The following PRR36 variants were observed in gnomAD, a reference collection of about 807,000 sequenced individuals.
PRR36 encodes the protein proline rich 36.
In PRR36, 30 loss-of-function variants were observed where a neutral mutation model predicts 58.6. The ratio of observed to expected loss-of-function variants is 0.51; its 90% confidence interval spans 0.38 to 0.69. The LOEUF is 0.69. Among genes scored for constraint, PRR36 ranks in the 30% least tolerant of loss-of-function variants. PRR36 has a pLI of 0.00. For synonymous variants in PRR36, 771 were observed against 829.3 expected (o/e 0.93, Z 1.21); for missense variants, 1,692 against 1,805.6 (o/e 0.94, Z 1.14).
In PRR36 at chr19:7,869,417, G is replaced by C. The variant is rs1192870112; in HGVS notation, c.3657C>G (p.Pro1219=). 21 of 1,493,470 alleles carry C rather than the reference G, an allele frequency of 1.4e-5. No homozygotes were observed. The highest frequency in any genetic ancestry group is 1.8e-5 in the Non-Finnish European group (20 of 1,129,638). 92.5% of individuals were successfully genotyped at this position (1,493,470 alleles called of 1,614,324 possible). A position where few individuals can be genotyped will look rare whatever the true frequency, so the allele number is the denominator to read the frequency against. Residue 1219 remains proline, a synonymous_variant, in exon 6 of 6, where the codon CCC becomes CCG. Coordinates refer to ENST00000618550, the MANE Select transcript of PRR36 (RefSeq NM_001190467.2). ...APGALDPGPS[P]GTSGGKAAAG... The stretch of plus-strand genomic sequence containing the variant: ...CCGCCGCCTTCCCACCGCTCGTGCC[G>C]GGACTGGGCCCCGGATCCAGTGCGC...
rs1386263066 is a variant in PRR36 at position 7,873,041 on chromosome 19, G to T, written c.375-80C>A. The T allele has an allele frequency of 3.1e-5, 42 of 1,372,470 alleles. No individual in the cohort carries two copies. The highest frequency in any genetic ancestry group is 4.2e-5 in the Non-Finnish European group (42 of 1,003,830). 85.0% of individuals were successfully genotyped at this position (1,372,470 alleles called of 1,614,324 possible). On this transcript the variant is annotated intron_variant, in intron 3 of 5. Coordinates refer to ENST00000618550, the MANE Select transcript of PRR36 (RefSeq NM_001190467.2). The surrounding 1 kb of genome is among the most constrained non-coding windows in gnomAD (Gnocchi z 5.0). Reference sequence around the variant, plus strand: ...CTCTATTTTCCCATCTGTGAAATGGGCATGTGCCCTCTCTGAGGACCAATA... The same window carrying T: ...CTCTATTTTCCCATCTGTGAAATGGTCATGTGCCCTCTCTGAGGACCAATA...
Position 7,870,976 on chromosome 19 carries a change from AGG to A in PRR36, c.2266_2267del (p.Pro756SerfsTer249). ...GGGCTAGAGAAGGTAGGTTCTCCAG[AGG>A]GGGTGTGGTCAGGGGAGCAGAAGCT... ...QTASAPLTTPPLENLPSLAPP... is the reference protein window; with the variant it reads ...QTASAPLTTPXLENLPSLAPP... On this transcript the variant is annotated frameshift_variant, in exon 5 of 6. Transcript: ENST00000618550. LOFTEE classifies it high-confidence loss of function. 3 of 1,016,260 alleles carry A rather than the reference AGG, an allele frequency of 3.0e-6. No homozygotes were observed. Among genetic ancestry groups the A allele is most frequent in the Non-Finnish European group, 4.0e-6 (3 of 748,194 alleles). The allele number at this position is 1,016,260 out of a possible 1,614,324, so 63.0% of individuals were successfully genotyped here.
Position 7,869,897 on chromosome 19 carries a change from C to G in PRR36, c.3347G>C (p.Gly1116Ala). The G allele has an allele frequency of 1.5e-6, 2 of 1,362,400 alleles. No homozygotes were observed. The highest frequency in any genetic ancestry group is 1.9e-6 in the Non-Finnish European group (2 of 1,065,048). 84.4% of individuals were successfully genotyped at this position (1,362,400 alleles called of 1,614,324 possible). A position where few individuals can be genotyped will look rare whatever the true frequency, so the allele number is the denominator to read the frequency against. ...PSRSPSSTLS[G>A]PDLAGHSSSA... is the part of the protein sequence containing the mutation. ...GCTGCTGTGGCCGGCCAGGTCTGGG[C>G]CGCTCAGCGTGCTGGACGGGCTGCG... The change falls in exon 5 of 6, where the codon GGC becomes GCC. Residue 1116 changes from glycine to alanine, a missense_variant. This residue lies in a region of PRR36 where 485 missense variants were observed against 549.2 expected (regional missense o/e 0.88). Coordinates refer to ENST00000618550, the MANE Select transcript of PRR36 (RefSeq NM_001190467.2).
Position 7,872,617 on chromosome 19 carries a change from C to A in PRR36, c.627G>T (p.Val209=). 1 of 1,501,156 alleles carries A rather than the reference C, an allele frequency of 6.7e-7. No homozygotes were observed. 93.0% of individuals were successfully genotyped at this position (1,501,156 alleles called of 1,614,324 possible). A position where few individuals can be genotyped will look rare whatever the true frequency, so the allele number is the denominator to read the frequency against. The part of the protein sequence containing the change: ...RPPTEGPRKS[V]SSASEHSTTE... Reference sequence around the variant, plus strand: ...TGGTACTGTGCTCCGAGGCGCTGCTCACTGATTTCCGGGGGCCCTCTGTCG... The same window carrying A: ...TGGTACTGTGCTCCGAGGCGCTGCTAACTGATTTCCGGGGGCCCTCTGTCG... The change falls in exon 5 of 6, where the codon GTG becomes GTT. Residue 209 remains valine, a synonymous_variant. Coordinates refer to ENST00000618550, the MANE Select transcript of PRR36 (RefSeq NM_001190467.2). This position sits in a 1 kb window ranked among gnomAD's most constrained non-coding sequence, Gnocchi z 6.1.
chr19:7,869,337 T>A lies in PRR36; in HGVS notation c.3737A>T (p.Glu1246Val). The A allele has an allele frequency of 7.0e-7, 1 of 1,426,994 alleles. No homozygotes were observed. Among genetic ancestry groups the A allele is most frequent in the Non-Finnish European group, 9.1e-7 (1 of 1,099,164 alleles). 88.4% of individuals were successfully genotyped at this position (1,426,994 alleles called of 1,614,324 possible). Residue 1246 changes from glutamate to valine, a missense_variant, in exon 6 of 6, where the codon GAG (glutamate) becomes GTG (valine). Glu to Val is a moderately radical substitution (Grantham distance 121, BLOSUM62 -2). This residue lies in a region of PRR36 where 485 missense variants were observed against 549.2 expected (regional missense o/e 0.88). Coordinates refer to ENST00000618550, the MANE Select transcript of PRR36 (RefSeq NM_001190467.2). ...CGCCTGCAGCGCCCCCAGTGGCAGC[T>A]CGCCCAGGCGCGCCTGCTTCGGGCT... The part of the protein sequence containing the change: ...SRSPKQARLG[E>V]LPLGALQASV...
Position 7,871,863 on chromosome 19 carries a change from T to A in PRR36, c.1381A>T (p.Met461Leu). The change falls in exon 5 of 6, where the codon ATG becomes TTG. Residue 461 changes from methionine to leucine, a missense_variant. By Grantham distance (15) the Met-to-Leu change is conservative. Coordinates refer to ENST00000618550, the MANE Select transcript of PRR36 (RefSeq NM_001190467.2). ...GAAACAGGGCCTTGTAGAGGAGACATGGCTGACAGAGGAGGTGTGGCCAAG... is the reference window on the plus strand; with the variant it reads ...GAAACAGGGCCTTGTAGAGGAGACAAGGCTGACAGAGGAGGTGTGGCCAAG... Reference protein sequence around the residue: ...SPLATPPLSAMSPLQGPVSPA... With the variant: ...SPLATPPLSALSPLQGPVSPA... The A allele has an allele frequency of 2.6e-6, 4 of 1,535,584 alleles. No homozygotes were observed. The highest frequency in any genetic ancestry group is 3.5e-6 in the Non-Finnish European group (4 of 1,146,808).
At chr19:7,869,597 C>A in intron 5 of PRR36, 53 bp from the exon 6 acceptor site, 1 of 1,493,662 alleles carries the variant, frequency 6.7e-7, no homozygotes, top group African/African-American at 1.4e-5. Context: ...CCGCCCCTGC[C>A]TCAAGGTCCC....
Position 7,874,007 on chromosome 19 carries a change from C to CT in PRR36, c.-8+278dup, listed in dbSNP as rs1318739916. 6.6e-6 allele frequency among the ~76,000 whole-genome samples: 1 copy of CT among 152,148 alleles called. No individual in the cohort carries two copies. The highest frequency in any genetic ancestry group is 1.5e-5 in the Non-Finnish European group (1 of 68,014). On this transcript the variant is annotated intron_variant, in intron 1 of 5. Transcript: ENST00000618550. The surrounding 1 kb of genome is among the most constrained non-coding windows in gnomAD (Gnocchi z 6.0). ...ATCTCCACGCCCCTGCCCCTTGCCCCTTCAGGGACTCAGACCGCCAGCCTC... is the reference window on the plus strand; with the variant it reads ...ATCTCCACGCCCCTGCCCCTTGCCCCTTTCAGGGACTCAGACCGCCAGCCTC...
rs763403944 is a variant in PRR36, at chr19:7,871,290, CA to C, written c.1953del (p.Asp652IlefsTer28). The C allele has an allele frequency of 1.3e-6, 2 of 1,513,614 alleles. No homozygotes were observed. The highest frequency in any genetic ancestry group is 1.8e-6 in the Non-Finnish European group (2 of 1,137,608). The allele number at this position is 1,513,614 out of a possible 1,614,324, so 93.8% of individuals were successfully genotyped here. A position where few individuals can be genotyped will look rare whatever the true frequency, so the allele number is the denominator to read the frequency against. The stretch of plus-strand genomic sequence containing the variant: ...AGAGGGGCCTGCAGAGGGGGTGAAT[CA>C]GGGGGAGTAGAGGCCGGCCGAGAAG... ...ISPSRPASTP[P>X]DSPPLQAPLS... On this transcript the variant is annotated frameshift_variant, in exon 5 of 6. Coordinates refer to ENST00000618550, the MANE Select transcript of PRR36 (RefSeq NM_001190467.2). LOFTEE classifies it high-confidence loss of function.
In PRR36 at chr19:7,870,906, G is replaced by A. The variant is rs903169011; in HGVS notation, c.2338C>T (p.Leu780=). The change falls in exon 5 of 6, where the codon CTG becomes TTG. Residue 780 remains leucine, a synonymous_variant. Coordinates refer to ENST00000618550, the MANE Select transcript of PRR36 (RefSeq NM_001190467.2). ...GGGGCTGGACAAGGTGGAGTCTCCA[G>A]ATGGGGTGTGGTCAGGGGAGCAGAA... is the stretch of plus-strand genomic sequence containing the variant. ...TASAPLTTPH[L]ETPPCPAPCP... is the part of the protein sequence containing the mutation. The A allele has an allele frequency of 6.2e-6, 9 of 1,448,516 alleles. No homozygotes were observed. In the Admixed American group the frequency reaches 2.5e-4, roughly 40 times the overall value. 89.7% of individuals were successfully genotyped at this position (1,448,516 alleles called of 1,614,324 possible).
At position 7,872,017 on chromosome 19, in the gene PRR36, T is replaced by A. The variant is rs1802903966; in HGVS notation, c.1227A>T (p.Ala409=). 3 of 1,535,144 alleles carry A rather than the reference T, an allele frequency of 2.0e-6. No individual in the cohort carries two copies. The highest frequency in any genetic ancestry group is 2.6e-6 in the Non-Finnish European group (3 of 1,146,698). Residue 409 remains alanine, a synonymous_variant, in exon 5 of 6, where the codon GCA becomes GCT. Transcript: ENST00000618550. This position sits in a 1 kb window ranked among gnomAD's most constrained non-coding sequence, Gnocchi z 6.1. Reference sequence around the variant, plus strand: ...CGGCTGTGGCCAGGGAAGAGACGCCTGCTTCTGGAAAGGACATAATCAGCT... The same window carrying A: ...CGGCTGTGGCCAGGGAAGAGACGCCAGCTTCTGGAAAGGACATAATCAGCT... ...PTQLIMSFPE[A]GVSSLATAAF... is the part of the protein sequence containing the mutation.
chr19:7,871,571 G>A lies in PRR36; in HGVS notation c.1673C>T (p.Pro558Leu). The A allele has an allele frequency of 1.3e-6, 2 of 1,535,774 alleles. No homozygotes were observed. The highest frequency in any genetic ancestry group is 1.7e-6 in the Non-Finnish European group (2 of 1,146,830). The change falls in exon 5 of 6, where the codon CCT (proline) becomes CTT (leucine). Residue 558 changes from proline to leucine, a missense_variant. This residue lies in a region of PRR36 where 975 missense variants were observed against 955.2 expected (regional missense o/e 1.02). Transcript: ENST00000618550. ...LVSPSLLASP[P>L]LQAPPHPQAP... ...CTGTGGGTGGGGCGGAGCCTGCAGA[G>A]GCGGTGAGGCCAAAAGAGAGGGAGA...
rs1028866060 is a variant in PRR36, at chr19:7,873,627, A to AGC, written c.61_62dup (p.Pro22LeufsTer5). On this transcript the variant is annotated frameshift_variant, in exon 2 of 6. Coordinates refer to ENST00000618550, the MANE Select transcript of PRR36 (RefSeq NM_001190467.2). LOFTEE classifies it high-confidence loss of function. The surrounding 1 kb of genome is among the most constrained non-coding windows in gnomAD (Gnocchi z 5.0). ...GGGGCCTGGGGGTCAGAAGTCCAGG[A>AGC]GCGCGAGCAGCCGGCGTCCGCGCGG... 6.5e-7 allele frequency: 1 copy of AGC among 1,535,050 alleles called. No individual in the cohort carries two copies. Among genetic ancestry groups the AGC allele is most frequent in the Non-Finnish European group, 8.7e-7 (1 of 1,146,710 alleles).
Position 7,873,014 on chromosome 19 carries a change from G to T in PRR36, c.375-53C>A. ...CCTAGGTCTTTGTTTGGCTTCCCAA[G>T]TCTCTATTTTCCCATCTGTGAAATG... On this transcript the variant is annotated intron_variant, in intron 3 of 5. Coordinates refer to ENST00000618550, the MANE Select transcript of PRR36 (RefSeq NM_001190467.2). The surrounding 1 kb of genome is among the most constrained non-coding windows in gnomAD (Gnocchi z 5.0). 1 of 1,462,120 alleles carries T rather than the reference G, an allele frequency of 6.8e-7. No homozygotes were observed. The highest frequency in any genetic ancestry group is 9.2e-7 in the Non-Finnish European group (1 of 1,084,012). The allele number at this position is 1,462,120 out of a possible 1,614,324, so 90.6% of individuals were successfully genotyped here. A position where few individuals can be genotyped will look rare whatever the true frequency, so the allele number is the denominator to read the frequency against.
Position 7,868,870 on chromosome 19 carries a change from G to T in PRR36, c.*163C>A. 1.2e-6 allele frequency: 1 copy of T among 807,410 alleles called. No individual in the cohort carries two copies. The highest frequency in any genetic ancestry group is 1.8e-6 in the Non-Finnish European group (1 of 547,408). 50.0% of individuals were successfully genotyped at this position (807,410 alleles called of 1,614,324 possible). On this transcript the variant is annotated 3_prime_UTR_variant, in exon 6 of 6. Transcript: ENST00000618550. The stretch of plus-strand genomic sequence containing the variant: ...GGGCCTAGGTCAAAGCTGTGGGTAG[G>T]TCCCGAGCCTCCGAGGCCAAAGGCT...
Position 7,871,425 on chromosome 19 carries a change from C to T in PRR36, c.1819G>A (p.Ala607Thr), listed in dbSNP as rs981542719. The T allele has an allele frequency of 2.0e-5, 30 of 1,534,758 alleles. No individual in the cohort carries two copies. The African/African-American group carries it at 2.6e-4, about 13-fold the overall frequency. ...PSLQAPPSPL[A>T]LSSLQATTSL... The stretch of plus-strand genomic sequence containing the variant: ...GTTGTGGCCTGCAGAGAGGACAAAG[C>T]CAGAGGAGAGGGAGGTGCCTGCAGA... Residue 607 changes from alanine (A) to threonine (T), a missense_variant, in exon 5 of 6, where the codon GCT becomes ACT. Around this residue, in one of 5 missense-constraint regions of PRR36, gnomAD observed 975 missense variants for 955.2 expected, o/e 1.02. Transcript: ENST00000618550.
rs1399016691 is a variant in PRR36 at position 7,869,155 on chromosome 19, C to T, written c.3919G>A (p.Glu1307Lys). 6.5e-7 allele frequency: 1 copy of T among 1,535,392 alleles called. No homozygotes were observed. Among genetic ancestry groups the T allele is most frequent in the Non-Finnish European group, 8.7e-7 (1 of 1,146,674 alleles). The part of the protein sequence containing the change: ...LSDAELGRWA[E>K]LLSPLDESRA... ...GACTCGTCCAGGGGAGACAGTAGTT[C>T]GGCCCAGCGGCCGAGTTCGGCGTCG... Residue 1307 changes from glutamate to lysine, a missense_variant, in exon 6 of 6, where the codon GAA becomes AAA. Glu to Lys is a moderately conservative substitution (Grantham distance 56). Coordinates refer to ENST00000618550, the MANE Select transcript of PRR36 (RefSeq NM_001190467.2).
Position 7,870,072 on chromosome 19 carries a change from C to T in PRR36, c.3172G>A (p.Ala1058Thr). Residue 1058 changes from alanine to threonine, a missense_variant, in exon 5 of 6, where the codon GCA (alanine) becomes ACA (threonine). This residue lies in a region of PRR36 where 485 missense variants were observed against 549.2 expected (regional missense o/e 0.88). Transcript: ENST00000618550. ...TPPPQAPPVL[A>T]APLLQVPPSP... ...GGAGGGACCTGCAGAAGGGGCGCTG[C>T]CAGAACAGGTGGGGCCTGTGGAGGA... 4 of 1,480,294 alleles carry T rather than the reference C, an allele frequency of 2.7e-6. No homozygotes were observed. The highest frequency in any genetic ancestry group is 1.3e-5 in the South Asian group (1 of 77,798). 91.7% of individuals were successfully genotyped at this position (1,480,294 alleles called of 1,614,324 possible).
Position 7,870,654 on chromosome 19 carries a change from G to T in PRR36, c.2590C>A (p.Leu864Met), listed in dbSNP as rs1327391593. The T allele has an allele frequency of 1.6e-6, 2 of 1,218,546 alleles. No homozygotes were observed. Among genetic ancestry groups the T allele is most frequent in the South Asian group, 3.7e-5 (2 of 53,854 alleles). The allele number at this position is 1,218,546 out of a possible 1,614,324, so 75.5% of individuals were successfully genotyped here. The part of the protein sequence containing the change: ...APPSPPASPP[L>M]SPLATPSPQA... ...GGAGAGGGTGTGGCCAAAGGAGACA[G>T]AGGGGGTGAGGCAGGGGGAGAGGGA... Residue 864 changes from leucine to methionine, a missense_variant, in exon 5 of 6, where the codon CTG (leucine) becomes ATG (methionine). Transcript: ENST00000618550.
Sources: allele counts gnomAD v4.1 joint callset (sites outside exome capture counted in the v4.1 genomes callset), GRCh38; gene constraint gnomAD v4.1.1; regional missense constraint gnomAD v4.1.1; non-coding constraint Gnocchi (gnomAD v3.1); transcripts MANE v1.5; gene names NCBI Gene and HGNC (gene_info 2026-07-23, HGNC 2026-07-21).